DLGAP1: variants seen among roughly 807,000 people sequenced by gnomAD.
DLGAP1 encodes the protein disks large-associated protein 1.
A neutral mutation model predicts 90.8 loss-of-function variants in DLGAP1; 11 were observed. The observed-to-expected ratio is 0.12, with a 90% CI of 0.08 to 0.20. The LOEUF is 0.20. Among genes scored for constraint, DLGAP1 ranks in the 10% least tolerant of loss-of-function variants. The pLI is 1.00. For missense variants in DLGAP1, 1,050 were observed against 1,333.8 expected (o/e 0.79, Z 3.31); for synonymous variants, 558 against 540.7 (o/e 1.03, Z -0.44).
intron 1 of DLGAP1, among the ~76,000 whole-genome samples, chr18:4,220,499 T>C (rs546065405): frequency 6.6e-6 from 1 of 152,234 alleles, no homozygotes; most frequent in South Asian, 2.1e-4. Context: ...TGTAAATTTG[T>C]CATCAACAAC....
Position 4,257,630 on chromosome 18 carries a change from C to CT in DLGAP1, c.-266-106344dup, listed in dbSNP as rs927025351. On this transcript the variant is annotated intron_variant, in intron 1 of 12. Coordinates refer to ENST00000315677, the MANE Select transcript of DLGAP1 (RefSeq NM_004746.4). ...CATTTTTTTCTTTTTCTTTTCCTTT[C>CT]TTTTTTTTTTTTGAGATGGAGTGTC... Among the ~76,000 whole-genome samples, 542 of 144,776 alleles carry CT rather than the reference C, an allele frequency of 3.7e-3. 1 individual carries two copies. The highest frequency in any genetic ancestry group is 8.9e-3 in the African/African-American group (352 of 39,524). 95.0% of individuals were successfully genotyped at this position (144,776 alleles called of 152,430 possible). A position where few individuals can be genotyped will look rare whatever the true frequency, so the allele number is the denominator to read the frequency against.
intron 1 of DLGAP1, among the ~76,000 whole-genome samples, chr18:4,194,128 G>GC (rs1311947122): frequency 6.6e-6 from 1 of 152,020 alleles, no homozygotes; most frequent in African/African-American, 2.4e-5. Flanking sequence ...GAGCATAGTA[G>GC]CCAACAGTTG....
chr18:4,018,406 T>TC (rs2074556951), intron 2 of DLGAP1, among the ~76,000 whole-genome samples: 1 of 152,184 alleles, frequency 6.6e-6, no homozygotes, highest in Non-Finnish European at 1.5e-5. Context: ...GTGAGGCAGC[T>TC]CCCTTTGGCC....
At chr18:4,055,758 T>C (rs1334273014) in intron 2 of DLGAP1, among the ~76,000 whole-genome samples, 1 of 152,082 alleles carries the variant, frequency 6.6e-6, no homozygotes, top group Non-Finnish European at 1.5e-5. Flanking sequence ...AATGGTGAGA[T>C]GTGTGTGGGC....
At chr18:3,911,633 C>T (rs1187070716) in intron 3 of DLGAP1, among the ~76,000 whole-genome samples, 1 of 152,198 alleles carries the variant, frequency 6.6e-6, no homozygotes, top group African/African-American at 2.4e-5. Flanking sequence ...AAGGGCATTA[C>T]ATAAATTTTC....
intron 3 of DLGAP1, among the ~76,000 whole-genome samples, chr18:3,910,590 G>C (rs769090884): frequency 6.6e-6 from 1 of 152,134 alleles, no homozygotes; most frequent in Non-Finnish European, 1.5e-5. Flanking sequence ...CATCTTCTTA[G>C]TGAACTCCAG....
intron 3 of DLGAP1, among the ~76,000 whole-genome samples, chr18:3,883,602 A>G (rs752437544): frequency 5.3e-5 from 8 of 152,254 alleles, no homozygotes; most frequent in Non-Finnish European, 1.0e-4. Context: ...TTAAGTTAGT[A>G]GAATATTTAC....
Position 3,773,183 on chromosome 18 carries a change from G to T in DLGAP1, c.1173-30671C>A, listed in dbSNP as rs548000004. Among the ~76,000 whole-genome samples the T allele has an allele frequency of 3.7e-4, 56 of 152,182 alleles. No homozygotes were observed. The South Asian group carries it at 1.0e-2, about 27-fold the overall frequency. Reference sequence around the variant, plus strand: ...CGTGGGAACTGAAAAAAGGAAACCAGTTTCTAGGTGGGCTCTGTTGCCTGT... The same window carrying T: ...CGTGGGAACTGAAAAAAGGAAACCATTTTCTAGGTGGGCTCTGTTGCCTGT... On this transcript the variant is annotated intron_variant, in intron 5 of 12. Transcript: ENST00000315677.
chr18:3,741,567 C>T (rs2147687576), intron 6 of DLGAP1, among the ~76,000 whole-genome samples: 1 of 152,098 alleles, frequency 6.6e-6, no homozygotes, highest in East Asian at 1.9e-4. Context: ...CCATCACTAT[C>T]ATCACTGCTA....
At chr18:3,550,867 G>A (rs1158283260) in intron 9 of DLGAP1, among the ~76,000 whole-genome samples, 10 of 148,522 alleles carry the variant, frequency 6.7e-5, no homozygotes, top group Non-Finnish European at 1.0e-4. Context: ...TCAGTCTTCC[G>A]AGTAGCTAGG....
chr18:3,583,153 C>T (rs2055633975), intron 7 of DLGAP1, among the ~76,000 whole-genome samples: 1 of 132,122 alleles, frequency 7.6e-6, no homozygotes. Flanking sequence ...GACCTACCTA[C>T]CTACCTACCT....
intron 1 of DLGAP1, among the ~76,000 whole-genome samples, chr18:4,257,506 C>A (rs1257637787): frequency 6.6e-6 from 1 of 152,212 alleles, no homozygotes; most frequent in Non-Finnish European, 1.5e-5. Flanking sequence ...AAAACTTATT[C>A]ATCACAGAAA....
At chr18:3,689,968 G>C (rs963628529) in intron 7 of DLGAP1, among the ~76,000 whole-genome samples, 3 of 151,178 alleles carry the variant, frequency 2.0e-5, no homozygotes, top group African/African-American at 7.3e-5. Context: ...TAAAATCCTG[G>C]CATATAGTTT....
intron 2 of DLGAP1, among the ~76,000 whole-genome samples, chr18:4,123,163 G>A (rs2076179581): frequency 6.6e-6 from 1 of 152,186 alleles, no homozygotes; most frequent in Non-Finnish European, 1.5e-5. Flanking sequence ...CAAGATGGGA[G>A]GAGGGAAGCA....
chr18:3,860,057 CCA>C (rs922887354), intron 4 of DLGAP1, among the ~76,000 whole-genome samples: 1 of 143,532 alleles, frequency 7.0e-6, no homozygotes, highest in African/African-American at 2.6e-5. Context: ...CGAGATTGCG[CCA>C]CTGCACTCCA....
rs567435660 is a variant in DLGAP1, at chr18:3,519,239, G to T, written c.2480-10578C>A. Among the ~76,000 whole-genome samples, 46 of 152,230 alleles carry T rather than the reference G, an allele frequency of 3.0e-4. No homozygotes were observed. The Middle Eastern group carries it at 0.01, about 34-fold the overall frequency. ...ATGGCAGCTTCTATGGCAAAACAAGGTCCACCTTCAGGTACAGAGATGATG... is the reference window on the plus strand; with the variant it reads ...ATGGCAGCTTCTATGGCAAAACAAGTTCCACCTTCAGGTACAGAGATGATG... On this transcript the variant is annotated intron_variant, in intron 10 of 12. Coordinates refer to ENST00000315677, the MANE Select transcript of DLGAP1 (RefSeq NM_004746.4).
intron 7 of DLGAP1, among the ~76,000 whole-genome samples, chr18:3,605,984 T>C (rs1234649064): frequency 6.6e-6 from 1 of 151,932 alleles, no homozygotes; most frequent in African/African-American, 2.4e-5. Flanking sequence ...ACAACCATAA[T>C]GGATTCCTGC....
rs537692206 is a variant in DLGAP1 at position 4,000,394 on chromosome 18, G to A, written c.-73+4722C>T. On this transcript the variant is annotated intron_variant, in intron 3 of 12. Coordinates refer to ENST00000315677, the MANE Select transcript of DLGAP1 (RefSeq NM_004746.4). Reference sequence around the variant, plus strand: ...TTCTACTTTTTATATTCTCTTTCCAGTTTATGCCCCTCCTCATTTTTTGAC... The same window carrying A: ...TTCTACTTTTTATATTCTCTTTCCAATTTATGCCCCTCCTCATTTTTTGAC... 3.3e-4 allele frequency among the ~76,000 whole-genome samples: 50 copies of A among 152,166 alleles called. No individual in the cohort carries two copies. The East Asian group carries it at 9.1e-3, about 28-fold the overall frequency.
At chr18:4,024,703 T>C (rs1194131850) in intron 2 of DLGAP1, among the ~76,000 whole-genome samples, 1 of 152,146 alleles carries the variant, frequency 6.6e-6, no homozygotes, top group African/African-American at 2.4e-5. Flanking sequence ...ACCCTCACTT[T>C]TTCTGACTAT....
Sources: allele counts gnomAD v4.1 joint callset (sites outside exome capture counted in the v4.1 genomes callset), GRCh38; gene constraint gnomAD v4.1.1; transcripts MANE v1.5; gene names NCBI Gene and HGNC (gene_info 2026-07-23, HGNC 2026-07-21).